DTWD2: variants seen among roughly 807,000 people sequenced by gnomAD.
DTWD2 encodes the protein DTW motif tRNA-uridine aminocarboxypropyltransferase 2.
Under a neutral mutation model 31.8 loss-of-function variants are expected in DTWD2, and 39 were observed. The ratio of observed to expected loss-of-function variants is 1.22; its 90% CI spans 0.95 to 1.60. The LOEUF is 1.60. Among genes scored for constraint, DTWD2 ranks in the 40% most tolerant of loss-of-function variants. The pLI is 0.00. For missense variants in DTWD2, 515 were observed against 381.5 expected (o/e 1.35, Z -2.92); for synonymous variants, 180 against 142.8 (o/e 1.26, Z -1.86).
At chr5:118,940,565 A>C (rs899947706) in intron 2 of DTWD2, among the ~76,000 whole-genome samples, 1 of 152,162 alleles carries the variant, frequency 6.6e-6, no homozygotes, top group East Asian at 1.9e-4. Flanking sequence ...TGATTTATCG[A>C]TTTTAGATAT....
intron 1 of DTWD2, among the ~76,000 whole-genome samples, chr5:118,973,326 G>C (rs878915751): frequency 6.6e-6 from 1 of 152,170 alleles, no homozygotes; most frequent in Admixed American, 6.5e-5. Flanking sequence ...TTGCCCCTTA[G>C]TTGATGCAGT....
chr5:118,863,417 A>G (rs1203892749), intron 4 of DTWD2, among the ~76,000 whole-genome samples: 1 of 152,232 alleles, frequency 6.6e-6, no homozygotes, highest in Non-Finnish European at 1.5e-5. Flanking sequence ...CCATAGAAGA[A>G]AACATCTTAT....
At chr5:118,886,782 C>T (rs1580787365) in intron 4 of DTWD2, among the ~76,000 whole-genome samples, 2 of 152,182 alleles carry the variant, frequency 1.3e-5, no homozygotes, top group East Asian at 3.9e-4. Context: ...TGTGAATCTA[C>T]AATTATCTCA....
intron 4 of DTWD2, among the ~76,000 whole-genome samples, chr5:118,896,975 G>T (rs1010401506): frequency 2.6e-5 from 4 of 152,130 alleles, no homozygotes; most frequent in African/African-American, 9.7e-5. Flanking sequence ...ATCAAACCAT[G>T]ACTAAACTCT....
At chr5:118,874,223 C>T (rs1752571892) in intron 4 of DTWD2, among the ~76,000 whole-genome samples, 1 of 152,140 alleles carries the variant, frequency 6.6e-6, no homozygotes, top group African/African-American at 2.4e-5. Flanking sequence ...ATCTCAAAGA[C>T]TGAATATAGA....
chr5:118,857,871 G>C (rs1462858178), intron 4 of DTWD2, among the ~76,000 whole-genome samples: 3 of 152,188 alleles, frequency 2.0e-5, no homozygotes, highest in African/African-American at 4.8e-5. Flanking sequence ...CACTTGAAAA[G>C]TGGTTGTGCA....
chr5:118,840,087 C>T lies in DTWD2; in HGVS notation c.*830G>A, dbSNP rs1751675176. On this transcript the variant is annotated 3_prime_UTR_variant, in exon 6 of 6. Coordinates refer to ENST00000510708, the MANE Select transcript of DTWD2 (RefSeq NM_173666.4). ...TCTCAGCAAATATTTTCCCACAGAG[C>T]AGGAAGAATTTTTTCTCTCAAATGG... is the stretch of plus-strand genomic sequence containing the variant. 1 of 152,070 alleles carries T rather than the reference C, an allele frequency of 6.6e-6. No individual in the cohort carries two copies. The highest frequency in any genetic ancestry group is 2.4e-5 in the African/African-American group (1 of 41,414). The allele number at this position is 152,070 out of a possible 1,614,324, so 9.4% of individuals were successfully genotyped here. A position where few individuals can be genotyped will look rare whatever the true frequency, so the allele number is the denominator to read the frequency against.
chr5:118,939,411 G>C, intron 2 of DTWD2, 121 bp from the exon 3 acceptor site: 10 of 841,544 alleles, frequency 1.2e-5, no homozygotes, highest in Non-Finnish European at 1.7e-5. Flanking sequence ...TTTTACTAAA[G>C]ACCACAGTTT....
At chr5:118,975,037 G>A (rs1346939751) in intron 1 of DTWD2, among the ~76,000 whole-genome samples, 1 of 152,130 alleles carries the variant, frequency 6.6e-6, no homozygotes, top group African/African-American at 2.4e-5. Flanking sequence ...TCTTTGTGGT[G>A]TTCTCTGTAT....
At chr5:118,951,043 A>C (rs957481825) in intron 1 of DTWD2, among the ~76,000 whole-genome samples, 1 of 152,016 alleles carries the variant, frequency 6.6e-6, no homozygotes, top group South Asian at 2.1e-4. Context: ...CTGGGTTTTC[A>C]TATTTGATGA....
chr5:118,897,492 A>G (rs928281584), intron 4 of DTWD2, among the ~76,000 whole-genome samples: 1 of 152,214 alleles, frequency 6.6e-6, no homozygotes, highest in Non-Finnish European at 1.5e-5. Context: ...CACTCCTATC[A>G]CTTAGGAAAA....
Position 118,839,068 on chromosome 5 carries a change from A to G in DTWD2, c.*1849T>C, listed in dbSNP as rs568638603. 4 of 152,246 alleles carry G rather than the reference A, an allele frequency of 2.6e-5. No homozygotes were observed. The highest frequency in any genetic ancestry group is 9.6e-5 in the African/African-American group (4 of 41,564). The allele number at this position is 152,246 out of a possible 1,614,324, so 9.4% of individuals were successfully genotyped here. On this transcript the variant is annotated 3_prime_UTR_variant, in exon 6 of 6. Transcript: ENST00000510708. ...TCCCAGCTACTCAGGAGGCTGAGGC[A>G]GAAGAATGGCGTGAACCCAGGAGGC...
intron 4 of DTWD2, among the ~76,000 whole-genome samples, chr5:118,864,422 C>T (rs1230491177): frequency 6.6e-6 from 1 of 150,608 alleles, no homozygotes; most frequent in African/African-American, 2.5e-5. Context: ...AGGAGATATA[C>T]CTAATGCTAA....
At chr5:118,842,036 T>C (rs1002090175) in intron 5 of DTWD2, among the ~76,000 whole-genome samples, 1 of 152,196 alleles carries the variant, frequency 6.6e-6, no homozygotes, top group Non-Finnish European at 1.5e-5. Flanking sequence ...AGGGTTCTCT[T>C]ACATGCGGCC....
chr5:118,972,642 T>C (rs1163716155), intron 1 of DTWD2, among the ~76,000 whole-genome samples: 1 of 152,198 alleles, frequency 6.6e-6, no homozygotes, highest in Non-Finnish European at 1.5e-5. Flanking sequence ...AGCATCATCC[T>C]GATACCAAAA....
At chr5:118,963,645 G>C (rs1016836720) in intron 1 of DTWD2, among the ~76,000 whole-genome samples, 2 of 152,132 alleles carry the variant, frequency 1.3e-5, no homozygotes, top group African/African-American at 2.4e-5. Context: ...ATGGAGTTTA[G>C]AAAACTACTT....
At chr5:118,985,864 T>C (rs1246314545) in intron 1 of DTWD2, among the ~76,000 whole-genome samples, 2 of 152,160 alleles carry the variant, frequency 1.3e-5, no homozygotes, top group African/African-American at 2.4e-5. Context: ...TTTGATGCGG[T>C]TCATTACCTA....
chr5:118,843,266 T>TGAAAGAAAA (rs1751765160), intron 5 of DTWD2, among the ~76,000 whole-genome samples: 1 of 124,420 alleles, frequency 8.0e-6, no homozygotes, highest in African/African-American at 3.1e-5. Flanking sequence ...AGAATAGAAA[T>TGAAAGAAAA]GAAAGAAAAG....
At chr5:118,907,052 G>A (rs943409377) in intron 4 of DTWD2, among the ~76,000 whole-genome samples, 2 of 152,070 alleles carry the variant, frequency 1.3e-5, no homozygotes, top group African/African-American at 4.8e-5. Flanking sequence ...TTCTTCACCT[G>A]GAAATTTTCC....
Sources: allele counts gnomAD v4.1 joint callset (sites outside exome capture counted in the v4.1 genomes callset), GRCh38; gene constraint gnomAD v4.1.1; transcripts MANE v1.5; gene names NCBI Gene and HGNC (gene_info 2026-07-23, HGNC 2026-07-21).